The following SLC16A10 variants were observed in gnomAD, a reference collection of about 807,000 sequenced individuals.
The protein encoded by SLC16A10 is solute carrier family 16 member 10, also known as monocarboxylate transporter 10.
Under a neutral mutation model 40.0 loss-of-function variants are expected in SLC16A10, and 27 were observed. The ratio of observed to expected loss-of-function variants is 0.67; its 90% CI spans 0.50 to 0.93. The LOEUF is 0.93. Ranked by LOEUF, SLC16A10 falls within the 40% of genes least tolerant of loss-of-function variation. The probability of loss-of-function intolerance (pLI) is 0.00; values close to 1 mark genes in which losing one functional copy is unlikely to be tolerated. For synonymous variants in SLC16A10, 213 were observed against 249.8 expected (o/e 0.85, Z 1.39); for missense variants, 529 against 658.2 (o/e 0.80, Z 2.15).
intron 1 of SLC16A10, among the ~76,000 whole-genome samples, chr6:111,149,377 C>T (rs58940264): frequency 2.9e-3 from 444 of 152,282 alleles, no homozygotes; most frequent in African/African-American, 9.9e-3. Context: ...TCATGACTCT[C>T]CTATTCCTGG....
intron 5 of SLC16A10, 55 bp downstream of exon 5, chr6:111,219,097 G>C (rs566788281): frequency 6.8e-7 from 1 of 1,477,860 alleles, no homozygotes; most frequent in South Asian, 1.2e-5. Context: ...TTCTACTTCA[G>C]GTCTTAATTA....
At chr6:111,094,185 C>T (rs1771032021) in intron 1 of SLC16A10, among the ~76,000 whole-genome samples, 1 of 152,162 alleles carries the variant, frequency 6.6e-6, no homozygotes, top group Admixed American at 6.6e-5. Flanking sequence ...CTTTTTGTTG[C>T]AGTTCCTTGA....
At chr6:111,109,337 T>C (rs1047227266) in intron 1 of SLC16A10, among the ~76,000 whole-genome samples, 1 of 152,256 alleles carries the variant, frequency 6.6e-6, no homozygotes, top group Non-Finnish European at 1.5e-5. Context: ...GTGTGTTTTC[T>C]TTTGTATCTG....
chr6:111,092,411 C>A (rs1770995744), intron 1 of SLC16A10, among the ~76,000 whole-genome samples: 1 of 150,736 alleles, frequency 6.6e-6, no homozygotes, highest in Non-Finnish European at 1.5e-5. Flanking sequence ...CCACTGCCTC[C>A]CGGATGCAAG....
chr6:111,206,859 G>A (rs543512600), intron 4 of SLC16A10, 124 bp downstream of exon 4: 40 of 1,224,986 alleles, frequency 3.3e-5, no homozygotes, highest in East Asian at 2.0e-4. Context: ...ATGGAGTTTC[G>A]CTCTTATTGC....
At chr6:111,126,001 A>C (rs1291340960) in intron 1 of SLC16A10, among the ~76,000 whole-genome samples, 1 of 152,206 alleles carries the variant, frequency 6.6e-6, no homozygotes, top group East Asian at 1.9e-4. Context: ...GAAATTAGTA[A>C]CTTGAGTCAG....
chr6:111,115,636 T>A (rs942676166), intron 1 of SLC16A10, among the ~76,000 whole-genome samples: 1 of 152,236 alleles, frequency 6.6e-6, no homozygotes, highest in Non-Finnish European at 1.5e-5. Context: ...TTCTGGTTGC[T>A]CCCTTATTCT....
chr6:111,200,819 G>C (rs1236636533), intron 3 of SLC16A10, among the ~76,000 whole-genome samples: 1 of 152,104 alleles, frequency 6.6e-6, no homozygotes, highest in East Asian at 1.9e-4. Context: ...TGGTCTTCTA[G>C]AGTTATGGAA....
intron 3 of SLC16A10, among the ~76,000 whole-genome samples, chr6:111,181,812 C>G (rs886646865): frequency 6.6e-6 from 1 of 152,118 alleles, no homozygotes; most frequent in Non-Finnish European, 1.5e-5. Context: ...TTCTTTTAGG[C>G]CTTCCCACTT....
chr6:111,094,798 C>T (rs894929276), intron 1 of SLC16A10, among the ~76,000 whole-genome samples: 11 of 152,028 alleles, frequency 7.2e-5, no homozygotes, highest in Admixed American at 1.3e-4. Flanking sequence ...CCACCATGGC[C>T]GGCTAATTAA....
chr6:111,100,986 CTCTCTCTA>C (rs1222187531), intron 1 of SLC16A10, among the ~76,000 whole-genome samples: 1,191 of 89,194 alleles, frequency 0.013, 3 homozygotes, highest in Middle Eastern at 0.017. Flanking sequence ...CTCTCTCTCT[CTCTCTCTA>C]TATATATATA....
In SLC16A10 at chr6:111,227,540, G is replaced by A. The variant is rs1771023668; in HGVS notation, c.*5305G>A. ...TCAGAAAAATCTTGAAACTCAGGAC[G>A]TAGTTTACTTAGCTTGCCTTTTTTA... On this transcript the variant is annotated 3_prime_UTR_variant, in exon 6 of 6. Coordinates refer to ENST00000368851, the MANE Select transcript of SLC16A10 (RefSeq NM_018593.5). 1 of 152,110 alleles carries A rather than the reference G, an allele frequency of 6.6e-6. No homozygotes were observed. The highest frequency in any genetic ancestry group is 2.1e-4 in the South Asian group (1 of 4,830). 9.4% of individuals were successfully genotyped at this position (152,110 alleles called of 1,614,324 possible).
chr6:111,139,513 G>T (rs1771943025), intron 1 of SLC16A10, among the ~76,000 whole-genome samples: 1 of 152,146 alleles, frequency 6.6e-6, no homozygotes, highest in African/African-American at 2.4e-5. Flanking sequence ...TGTTGGCCAG[G>T]ATGGTCTCAA....
intron 1 of SLC16A10, among the ~76,000 whole-genome samples, chr6:111,105,338 C>A (rs569350465): frequency 6.6e-6 from 1 of 152,192 alleles, no homozygotes; most frequent in African/African-American, 2.4e-5. Flanking sequence ...ACAGCTAATT[C>A]TTTTAAGTAA....
chr6:111,214,974 C>T lies in SLC16A10; in HGVS notation c.1087-3840C>T, dbSNP rs1278727184. Among the ~76,000 whole-genome samples the T allele has an allele frequency of 2.0e-5, 3 of 151,960 alleles. No homozygotes were observed. In the East Asian group the frequency reaches 5.8e-4, roughly 29 times the overall value. On this transcript the variant is annotated intron_variant, in intron 4 of 5. Coordinates refer to ENST00000368851, the MANE Select transcript of SLC16A10 (RefSeq NM_018593.5). ...CTCTACTAAAAATACAAAAAAGTAG[C>T]CAGGCGTGGTAGTGGGCGCCTATAG... is the stretch of plus-strand genomic sequence containing the variant.
At chr6:111,119,970 G>A (rs1771554886) in intron 1 of SLC16A10, among the ~76,000 whole-genome samples, 1 of 152,218 alleles carries the variant, frequency 6.6e-6, no homozygotes. Flanking sequence ...CTTTAATTAT[G>A]AAGTTGGCTT....
chr6:111,208,920 G>C (rs1354126874), intron 4 of SLC16A10, among the ~76,000 whole-genome samples: 1 of 152,004 alleles, frequency 6.6e-6, no homozygotes, highest in East Asian at 1.9e-4. Flanking sequence ...TTTTTAAAAA[G>C]GCCAGGCATG....
At chr6:111,102,033 G>T (rs1172579872) in intron 1 of SLC16A10, among the ~76,000 whole-genome samples, 1 of 152,226 alleles carries the variant, frequency 6.6e-6, no homozygotes, top group Admixed American at 6.5e-5. Flanking sequence ...GTTTCAGTAA[G>T]TGTGATGTTC....
At chr6:111,190,463 A>G (rs1216708000) in intron 3 of SLC16A10, among the ~76,000 whole-genome samples, 3 of 152,222 alleles carry the variant, frequency 2.0e-5, no homozygotes, top group Non-Finnish European at 4.4e-5. Context: ...GCAGTGCCCC[A>G]CTGGGGACTC....
Sources: allele counts gnomAD v4.1 joint callset (sites outside exome capture counted in the v4.1 genomes callset), GRCh38; gene constraint gnomAD v4.1.1; transcripts MANE v1.5; gene names NCBI Gene and HGNC (gene_info 2026-07-23, HGNC 2026-07-21).